Variants in SLC24A3 observed in about 807,000 individuals in gnomAD.
SLC24A3 encodes sodium/potassium/calcium exchanger 3.
In SLC24A3, 28 loss-of-function variants were observed where a neutral mutation model predicts 75.8. That is an observed-to-expected ratio of 0.37 (90% CI 0.27 to 0.51). The LOEUF is 0.51. Among genes scored for constraint, SLC24A3 ranks in the 20% least tolerant of loss-of-function variants. The pLI is 0.94. For synonymous variants in SLC24A3, 372 were observed against 334.1 expected (o/e 1.11, Z -1.24); for missense variants, 663 against 847.8 (o/e 0.78, Z 2.71).
chr20:19,340,075 T>C (rs1381170288), intron 2 of SLC24A3, among the ~76,000 whole-genome samples: 1 of 152,148 alleles, frequency 6.6e-6, no homozygotes, highest in Admixed American at 6.5e-5. Context: ...TTGAATTGTG[T>C]CCCTTAAAAG....
chr20:19,544,017 G>C (rs1351329933), intron 3 of SLC24A3, among the ~76,000 whole-genome samples: 2 of 152,130 alleles, frequency 1.3e-5, no homozygotes, highest in African/African-American at 4.8e-5. Flanking sequence ...GAGTTTTGAT[G>C]TTTACAGGTC....
At chr20:19,227,431 T>G (rs763425911) in intron 1 of SLC24A3, among the ~76,000 whole-genome samples, 2 of 152,112 alleles carry the variant, frequency 1.3e-5, no homozygotes, top group Non-Finnish European at 2.9e-5. Flanking sequence ...TCATGACATC[T>G]GGCCCACGCC....
intron 15 of SLC24A3, among the ~76,000 whole-genome samples, chr20:19,707,484 TA>T (rs2032942933): frequency 6.6e-6 from 1 of 152,236 alleles, no homozygotes; most frequent in Admixed American, 6.5e-5. Context: ...TTTCAGGTGT[TA>T]TTATAACTAC....
intron 6 of SLC24A3, among the ~76,000 whole-genome samples, chr20:19,641,385 A>G (rs1191349856): frequency 1.3e-5 from 2 of 152,212 alleles, no homozygotes; most frequent in Non-Finnish European, 2.9e-5. Flanking sequence ...TTTTATGCTG[A>G]TGGGACTCTC....
chr20:19,371,349 A>G (rs1366984666), intron 2 of SLC24A3, among the ~76,000 whole-genome samples: 1 of 136,576 alleles, frequency 7.3e-6, no homozygotes, highest in Non-Finnish European at 1.5e-5. Flanking sequence ...GTAAAGGCCC[A>G]GGAGGTCTGG....
intron 2 of SLC24A3, among the ~76,000 whole-genome samples, chr20:19,406,213 C>T (rs6046063): frequency 0.018 from 2,602 of 145,954 alleles, 74 homozygotes; most frequent in African/African-American, 0.064. Flanking sequence ...TGTGTGCGTG[C>T]GTGTGTGTGT....
chr20:19,721,260 G>T lies in SLC24A3; in HGVS notation c.*120G>T. On this transcript the variant is annotated 3_prime_UTR_variant, in exon 17 of 17. Transcript: ENST00000328041. ...GTTCGTCTCTCCTGTGCTGTCCTCA[G>T]GCCTCCGCTCCTGTTTTGGTGGCCC... 7.6e-7 allele frequency: 1 copy of T among 1,314,416 alleles called. No homozygotes were observed. Among genetic ancestry groups the T allele is most frequent in the Non-Finnish European group, 1.0e-6 (1 of 959,564 alleles). 81.4% of individuals were successfully genotyped at this position (1,314,416 alleles called of 1,614,324 possible). A position where few individuals can be genotyped will look rare whatever the true frequency, so the allele number is the denominator to read the frequency against.
intron 2 of SLC24A3, among the ~76,000 whole-genome samples, chr20:19,485,253 C>A (rs1294735404): frequency 6.6e-6 from 1 of 152,168 alleles, no homozygotes; most frequent in Non-Finnish European, 1.5e-5. Flanking sequence ...CCAACACTGG[C>A]AGCAGCCTCG....
chr20:19,353,882 T>C (rs1036509043), intron 2 of SLC24A3, among the ~76,000 whole-genome samples: 13 of 152,232 alleles, frequency 8.5e-5, no homozygotes, highest in Non-Finnish European at 1.6e-4. Context: ...ACATGTAAGA[T>C]GGTGCAGCTA....
At chr20:19,300,093 G>A (rs1455528148) in intron 2 of SLC24A3, among the ~76,000 whole-genome samples, 1 of 152,180 alleles carries the variant, frequency 6.6e-6, no homozygotes, top group African/African-American at 2.4e-5. Flanking sequence ...ATGGAGTACA[G>A]TTTCTAAAGG....
intron 1 of SLC24A3, among the ~76,000 whole-genome samples, chr20:19,228,970 C>A (rs906778339): frequency 2.0e-5 from 3 of 152,130 alleles, no homozygotes; most frequent in African/African-American, 7.2e-5. Flanking sequence ...TTTTATGAAG[C>A]ATGGAAATTA....
At chr20:19,406,359 G>A (rs532069924) in intron 2 of SLC24A3, among the ~76,000 whole-genome samples, 1 of 152,252 alleles carries the variant, frequency 6.6e-6, no homozygotes, top group East Asian at 1.9e-4. Flanking sequence ...TAGAGAATTA[G>A]CAAAGTTTAT....
chr20:19,594,304 GCCCTAGGT>G (rs1022034955), intron 6 of SLC24A3, among the ~76,000 whole-genome samples: 1 of 152,182 alleles, frequency 6.6e-6, no homozygotes, highest in Non-Finnish European at 1.5e-5. Context: ...CAGATTTCAT[GCCCTAGGT>G]CCAAGCAGCT....
intron 3 of SLC24A3, among the ~76,000 whole-genome samples, chr20:19,536,272 C>A (rs1259807525): frequency 6.6e-6 from 1 of 152,226 alleles, no homozygotes; most frequent in Admixed American, 6.5e-5. Context: ...TAGTCATACA[C>A]AGTACAATGT....
intron 9 of SLC24A3, among the ~76,000 whole-genome samples, chr20:19,680,587 G>C (rs181703081): frequency 6.6e-6 from 1 of 152,168 alleles, no homozygotes; most frequent in Non-Finnish European, 1.5e-5. Context: ...TCTACGCTTC[G>C]TGTCTTATGA....
At chr20:19,528,097 A>G in intron 3 of SLC24A3, among the ~76,000 whole-genome samples, 1 of 152,154 alleles carries the variant, frequency 6.6e-6, no homozygotes, top group East Asian at 1.9e-4. Context: ...TTTCCCTGAT[A>G]TTCTAAATCC....
chr20:19,482,086 C>T (rs1332285497), intron 2 of SLC24A3, among the ~76,000 whole-genome samples: 1 of 152,214 alleles, frequency 6.6e-6, no homozygotes, highest in Admixed American at 6.5e-5. Context: ...ATACTCTGTA[C>T]ACATGACAGC....
intron 2 of SLC24A3, among the ~76,000 whole-genome samples, chr20:19,365,135 A>G (rs2122347542): frequency 6.6e-6 from 1 of 152,274 alleles, no homozygotes; most frequent in Admixed American, 6.5e-5. Context: ...TTATACAAGG[A>G]GAAGGATGCT....
intron 1 of SLC24A3, among the ~76,000 whole-genome samples, chr20:19,263,849 C>G (rs1983073165): frequency 6.6e-6 from 1 of 152,188 alleles, no homozygotes. Context: ...CCTATCCTCC[C>G]CTCAGTTCTG....
Sources: allele counts gnomAD v4.1 joint callset (sites outside exome capture counted in the v4.1 genomes callset), GRCh38; gene constraint gnomAD v4.1.1; transcripts MANE v1.5; gene names NCBI Gene and HGNC (gene_info 2026-07-23, HGNC 2026-07-21).